Variants in STARD8 observed in about 807,000 individuals in gnomAD.
STARD8 encodes stAR-related lipid transfer protein 8.
STARD8 carries 25 observed loss-of-function variants against 69.4 expected under a neutral mutation model. The observed-to-expected ratio is 0.36, with a 90% CI of 0.26 to 0.50. STARD8 has a LOEUF of 0.50. Among genes scored for constraint, STARD8 ranks in the 20% least tolerant of loss-of-function variants. The pLI is 0.96. For missense variants in STARD8, 921 were observed against 932.5 expected, an observed-to-expected ratio of 0.99 and a Z score of 0.16; for synonymous variants, 389 against 374.6, an observed-to-expected ratio of 1.04 and a Z score of -0.45.
Position 68,722,616 on chromosome X carries a change from G to A in STARD8, c.2769G>A (p.Gly923=). The A allele has an allele frequency of 8.3e-7, 1 of 1,211,933 alleles. No individual in the cohort carries two copies. Among genetic ancestry groups the A allele is most frequent in the Non-Finnish European group, 1.1e-6 (1 of 895,573 alleles). The change falls in exon 12 of 15, where the codon GGG becomes GGA. Residue 923 remains glycine, a synonymous_variant. Coordinates refer to ENST00000374599, the MANE Select transcript of STARD8 (RefSeq NM_001142503.3). The stretch of plus-strand genomic sequence containing the variant: ...TCAAGGGCTGGATGAGCGTGCCAGG[G>A]CCCCAGCACACGGAGCTGGCTTGCA... ...ERFKGWMSVP[G]PQHTELACRK... is the part of the protein sequence containing the mutation.
In STARD8 at chrX:68,717,958, G is replaced by T; in HGVS notation, c.1044G>T (p.Thr348=). The T allele has an allele frequency of 2.5e-6, 3 of 1,209,747 alleles. No individual in the cohort carries two copies. The highest frequency in any genetic ancestry group is 3.4e-6 in the Non-Finnish European group (3 of 894,559). The change falls in exon 6 of 15, where the codon ACG becomes ACT. Residue 348 remains threonine (T), a synonymous_variant. Coordinates refer to ENST00000374599, the MANE Select transcript of STARD8 (RefSeq NM_001142503.3). ...GGCGCCGGGGCTCCTGTGGCTCAACGGGCAGCCATGCCAGCACGTATGACA... is the reference window on the plus strand; with the variant it reads ...GGCGCCGGGGCTCCTGTGGCTCAACTGGCAGCCATGCCAGCACGTATGACA... ...CEGRRGSCGS[T]GSHASTYDNL...
intron 1 of STARD8, among the ~76,000 whole-genome samples, chrX:68,653,245 CCACACAT>C (rs2079578367): frequency 2.7e-5 from 1 of 36,490 alleles, no homozygotes; most frequent in Non-Finnish European, 4.9e-5. Context: ...CACACACACA[CCACACAT>C]ACACCACACA....
intron 2 of STARD8, chrX:68,693,794 G>C: frequency 2.6e-6 from 2 of 754,988 alleles, no homozygotes; most frequent in African/African-American, 2.3e-5. Context: ...CTGTGTCAGC[G>C]CCCGAACCCA....
At chrX:68,702,262 C>T (rs1217517676) in intron 2 of STARD8, among the ~76,000 whole-genome samples, 1 of 111,943 alleles carries the variant, frequency 8.9e-6, no homozygotes, top group Non-Finnish European at 1.9e-5. Flanking sequence ...AATTCACAGT[C>T]CATGGGGAGT....
At chrX:68,648,471 CA>C (rs1436030039) in intron 1 of STARD8, among the ~76,000 whole-genome samples, 5 of 110,998 alleles carry the variant, frequency 4.5e-5, no homozygotes, top group African/African-American at 1.6e-4. Flanking sequence ...TACACAAAGA[CA>C]AAAAAGGGCT....
rs368505940 is a variant in STARD8, at chrX:68,718,387, G to A, written c.1473G>A (p.Pro491=). 1.5e-5 allele frequency: 18 copies of A among 1,205,652 alleles called. No homozygotes were observed. In the African/African-American group the frequency reaches 2.1e-4, roughly 14 times the overall value. ...EAEAPAPAPA[P]APAQDSEQEA... ...AGGCCCCGGCCCCAGCCCCGGCCCCGGCCCCAGCCCAGGACAGTGAGCAGG... is the reference window on the plus strand; with the variant it reads ...AGGCCCCGGCCCCAGCCCCGGCCCCAGCCCCAGCCCAGGACAGTGAGCAGG... The change falls in exon 6 of 15, where the codon CCG becomes CCA. Residue 491 remains proline (P), a synonymous_variant. Transcript: ENST00000374599.
intron 2 of STARD8, among the ~76,000 whole-genome samples, chrX:68,693,112 T>G (rs1490183712): frequency 8.9e-6 from 1 of 112,835 alleles, no homozygotes; most frequent in Non-Finnish European, 1.9e-5. Flanking sequence ...CATGCATTTC[T>G]CTGCGGAGGT....
Position 68,720,359 on chromosome X carries a change from G to GC in STARD8, c.1987dup (p.Gln663ProfsTer42), listed in dbSNP as rs373427165. On this transcript the variant is annotated frameshift_variant, in exon 8 of 15. Coordinates refer to ENST00000374599, the MANE Select transcript of STARD8 (RefSeq NM_001142503.3). LOFTEE classifies it high-confidence loss of function. ...CCCCTCATCCACGTGCAGCGCACGG[G>GC]CCAGCCACTGCCACAGAGCATTCAG... The GC allele has an allele frequency of 2.6e-6, 3 of 1,175,867 alleles. No individual in the cohort carries two copies. The Admixed American group carries it at 7.5e-5, about 29-fold the overall frequency.
intron 2 of STARD8, among the ~76,000 whole-genome samples, chrX:68,709,060 TCTGA>T (rs753597628): frequency 8.9e-6 from 1 of 111,752 alleles, no homozygotes; most frequent in East Asian, 2.9e-4. Context: ...GACATATGTC[TCTGA>T]CTGATCCATC....
At chrX:68,685,902 G>A (rs2079828535) in intron 2 of STARD8, among the ~76,000 whole-genome samples, 1 of 112,352 alleles carries the variant, frequency 8.9e-6, no homozygotes, top group East Asian at 2.8e-4. Flanking sequence ...GGGAGGCCGA[G>A]GAGTGAGTCA....
chrX:68,678,289 CA>C (rs763069270), intron 2 of STARD8, among the ~76,000 whole-genome samples: 7 of 110,732 alleles, frequency 6.3e-5, no homozygotes, highest in African/African-American at 2.3e-4. Flanking sequence ...TGTGGTTTAG[CA>C]AGTTATTATG....
chrX:68,717,305 G>A lies in STARD8; in HGVS notation c.391G>A (p.Asp131Asn). Residue 131 changes from aspartate (D) to asparagine (N), a missense_variant, in exon 6 of 15, where the codon GAT becomes AAT. Physicochemically the swap from Asp to Asn is conservative, Grantham distance 23. Transcript: ENST00000374599. ...SKCWSPMGSS[D>N]LLAPPSPGLP... Reference sequence around the variant, plus strand: ...GTGCTGGTCTCCTATGGGGTCCTCTGATCTGTTGGCCCCACCGAGCCCTGG... The same window carrying A: ...GTGCTGGTCTCCTATGGGGTCCTCTAATCTGTTGGCCCCACCGAGCCCTGG... The A allele has an allele frequency of 8.3e-7, 1 of 1,206,288 alleles. No homozygotes were observed. Among genetic ancestry groups the A allele is most frequent in the Non-Finnish European group, 1.1e-6 (1 of 892,983 alleles).
At chrX:68,653,287 A>ACC in intron 1 of STARD8, among the ~76,000 whole-genome samples, 1 of 30,355 alleles carries the variant, frequency 3.3e-5, no homozygotes, top group Non-Finnish European at 6.2e-5. Context: ...CCACACACAC[A>ACC]CCACACACCA....
intron 2 of STARD8, among the ~76,000 whole-genome samples, chrX:68,682,681 G>A (rs2079808221): frequency 8.9e-6 from 1 of 112,730 alleles, no homozygotes; most frequent in Non-Finnish European, 1.9e-5. Flanking sequence ...GCAAAGAGCT[G>A]AGGATAGAGT....
intron 1 of STARD8, among the ~76,000 whole-genome samples, chrX:68,660,463 C>T (rs920692810): frequency 3.6e-5 from 4 of 111,646 alleles, no homozygotes; most frequent in African/African-American, 9.8e-5. Context: ...CATCACATCC[C>T]GAACATGAGC....
At chrX:68,653,507 TACACACCACACACACCAC>T (rs1468235022) in intron 1 of STARD8, among the ~76,000 whole-genome samples, 1 of 7,245 alleles carries the variant, frequency 1.4e-4, no homozygotes, top group African/African-American at 5.9e-4. Context: ...ACACACACCA[TACACACCACACACACCAC>T]ACACACCACA....
chrX:68,656,147 C>G (rs2079609249), intron 1 of STARD8: 1 of 112,127 alleles, frequency 8.9e-6, no homozygotes, highest in African/African-American at 3.2e-5. Context: ...TACATGGAGT[C>G]AAGCCCTTCA....
chrX:68,657,966 AGGTCCCGGC>A (rs961325717), intron 1 of STARD8, among the ~76,000 whole-genome samples: 30 of 110,561 alleles, frequency 2.7e-4, no homozygotes, highest in Non-Finnish European at 5.7e-4. Context: ...TACAAGTGGG[AGGTCCCGGC>A]GGGGTGGAGG....
intron 2 of STARD8, chrX:68,693,839 G>A (rs1336941057): frequency 1.3e-6 from 1 of 753,405 alleles, no homozygotes; most frequent in African/African-American, 2.3e-5. Context: ...AGGAGTCTGG[G>A]CGACGGCAGG....
Sources: allele counts gnomAD v4.1 joint callset (sites outside exome capture counted in the v4.1 genomes callset), GRCh38; gene constraint gnomAD v4.1.1; transcripts MANE v1.5; gene names NCBI Gene and HGNC (gene_info 2026-07-23, HGNC 2026-07-21).